The following MGAT5 variants were observed in gnomAD, a reference collection of about 807,000 sequenced individuals.
MGAT5 encodes alpha-1,6-mannosylglycoprotein 6-beta-N-acetylglucosaminyltransferase A.
MGAT5 carries 30 observed loss-of-function variants against 94.3 expected under a neutral mutation model. The observed-to-expected ratio is 0.32, with a 90% CI of 0.24 to 0.43. The LOEUF (loss-of-function observed/expected upper bound fraction) is 0.43, where lower values mean the gene tolerates loss of function less well. Among genes scored for constraint, MGAT5 ranks in the 20% least tolerant of loss-of-function variants. The pLI is 1.00. For missense variants in MGAT5, 691 were observed against 905.5 expected (o/e 0.76, Z 3.04); for synonymous variants, 310 against 322.9 (o/e 0.96, Z 0.43).
At chr2:134,263,305 T>C (rs1683458805) in intron 1 of MGAT5, among the ~76,000 whole-genome samples, 1 of 152,230 alleles carries the variant, frequency 6.6e-6, no homozygotes, top group African/African-American at 2.4e-5. Context: ...AAGCACTTAA[T>C]ATCATCAACA....
intron 1 of MGAT5, among the ~76,000 whole-genome samples, chr2:134,240,048 T>A (rs1257183): frequency 6.6e-6 from 1 of 151,920 alleles, no homozygotes; most frequent in Non-Finnish European, 1.5e-5. Context: ...ATTCTTGATA[T>A]GAAGATGAAA....
rs1370617462 is a variant in MGAT5, at chr2:134,240,364, T to TTGTTTTTTG, written c.-142-13897_-142-13896insGTTTTTTGT. Among the ~76,000 whole-genome samples the TTGTTTTTTG allele has an allele frequency of 1.0e-3, 159 of 152,028 alleles. 1 individual carries two copies. Among genetic ancestry groups the TTGTTTTTTG allele is most frequent in the African/African-American group, 3.6e-3 (149 of 41,406 alleles). On this transcript the variant is annotated intron_variant, in intron 1 of 16. Transcript: ENST00000409645. ...TCATTCTAAAATGAAAGTGTTTTTT[T>TTGTTTTTTG]TTTTTTTTACTATTTGTATGTTTGA...
chr2:134,168,739 A>C (rs1688065646), intron 1 of MGAT5, among the ~76,000 whole-genome samples: 1 of 152,200 alleles, frequency 6.6e-6, no homozygotes, highest in Non-Finnish European at 1.5e-5. Context: ...TCTAGGCATA[A>C]AGGAGTTTAA....
At chr2:134,120,186 C>T (rs951483089) in exon 1 of MGAT5, 1 of 224,552 alleles carries the variant, frequency 4.5e-6, no homozygotes, top group African/African-American at 2.3e-5. Flanking sequence ...CGATCCAGCC[C>T]AGGTAGCCGC....
intron 11 of MGAT5, among the ~76,000 whole-genome samples, chr2:134,411,020 A>C (rs1683621662): frequency 1.3e-5 from 2 of 152,188 alleles, no homozygotes; most frequent in Non-Finnish European, 2.9e-5. Context: ...AGAGATCACA[A>C]GTCTGGTAGA....
At chr2:134,205,577 C>A in intron 1 of MGAT5, among the ~76,000 whole-genome samples, 1 of 152,094 alleles carries the variant, frequency 6.6e-6, no homozygotes, top group Middle Eastern at 3.2e-3. Flanking sequence ...CTCTTTCGGG[C>A]CTGCTAAGCT....
intron 4 of MGAT5, among the ~76,000 whole-genome samples, chr2:134,327,006 GTTTT>G (rs1687683635): frequency 6.6e-6 from 1 of 152,138 alleles, no homozygotes; most frequent in Admixed American, 6.6e-5. Flanking sequence ...AGTTTTGTCT[GTTTT>G]GTTCTCACGT....
At chr2:134,370,023 C>G (rs766062251) in intron 10 of MGAT5, among the ~76,000 whole-genome samples, 5 of 152,170 alleles carry the variant, frequency 3.3e-5, no homozygotes, top group Non-Finnish European at 5.9e-5. Flanking sequence ...GTTAAAGTCT[C>G]AGACTAGGTG....
At chr2:134,146,653 A>G (rs1686934179) in intron 1 of MGAT5, among the ~76,000 whole-genome samples, 1 of 152,144 alleles carries the variant, frequency 6.6e-6, no homozygotes, top group Admixed American at 6.5e-5. Context: ...TGTTGTTTCT[A>G]ATGGATGTGA....
At chr2:134,260,137 A>G (rs1683227629) in intron 1 of MGAT5, among the ~76,000 whole-genome samples, 1 of 152,220 alleles carries the variant, frequency 6.6e-6, no homozygotes, top group African/African-American at 2.4e-5. Context: ...AAGCAGTGGC[A>G]TGGAAGGTGT....
chr2:134,199,628 T>C (rs1679674190), intron 1 of MGAT5, among the ~76,000 whole-genome samples: 1 of 152,174 alleles, frequency 6.6e-6, no homozygotes, highest in Non-Finnish European at 1.5e-5. Flanking sequence ...CTCCAACAGC[T>C]CTCTGTCAGT....
chr2:134,179,801 A>G (rs933625642), intron 1 of MGAT5, among the ~76,000 whole-genome samples: 5 of 152,212 alleles, frequency 3.3e-5, no homozygotes, highest in Non-Finnish European at 7.3e-5. Flanking sequence ...GCCGGGCTGC[A>G]TTTCCAGGAG....
chr2:134,334,104 T>C (rs1288305655), intron 4 of MGAT5, among the ~76,000 whole-genome samples: 1 of 152,150 alleles, frequency 6.6e-6, no homozygotes, highest in Middle Eastern at 3.2e-3. Context: ...GGATTGACTC[T>C]ATATTTTATA....
rs562413459 is a variant in MGAT5, at chr2:134,380,542, G to A, written c.1380+18134G>A. Among the ~76,000 whole-genome samples the A allele has an allele frequency of 5.9e-5, 9 of 152,354 alleles. No homozygotes were observed. In the East Asian group the frequency reaches 1.7e-3, roughly 29 times the overall value. On this transcript the variant is annotated intron_variant, in intron 10 of 15. Coordinates refer to ENST00000281923, the MANE Select transcript of MGAT5 (RefSeq NM_002410.5). ...CACCCAGCCTTGCAGTCTTGGGCAA[G>A]CCACTTGTCTCTGTGAGCTTCCGTT... is the stretch of plus-strand genomic sequence containing the variant.
At chr2:134,419,785 G>C (rs937991758) in intron 12 of MGAT5, among the ~76,000 whole-genome samples, 6 of 152,254 alleles carry the variant, frequency 3.9e-5, no homozygotes, top group Middle Eastern at 3.4e-3. Context: ...CCAAGTGCTT[G>C]GAGCAACCTT....
Position 134,270,560 on chromosome 2 carries a change from G to A in MGAT5, c.406+10G>A. 1 of 1,613,862 alleles carries A rather than the reference G, an allele frequency of 6.2e-7. No homozygotes were observed. Among genetic ancestry groups the A allele is most frequent in the Non-Finnish European group, 8.5e-7 (1 of 1,179,832 alleles). ...AAAATTAATGTGGCAGGTAAAAATA[G>A]CAATTCTCTGCCCTGATATGGAGTC... On this transcript the variant is annotated intron_variant, in intron 2 of 15. Transcript: ENST00000281923.
rs118105739 is a variant in MGAT5 at position 134,123,512 on chromosome 2, G to A, written c.-143+3221G>A. Among the ~76,000 whole-genome samples the A allele has an allele frequency of 3.7e-3, 557 of 152,302 alleles. 23 individuals are homozygous for A. In the East Asian group the frequency reaches 0.065, roughly 18 times the overall value. On this transcript the variant is annotated intron_variant, in intron 1 of 16. Coordinates refer to the MGAT5 transcript ENST00000409645. ...TGCTCTTTCTCAAGAGGCTTTAAGCGCAGTAGGGACTCACTGTCTTCCTTC... is the reference window on the plus strand; with the variant it reads ...TGCTCTTTCTCAAGAGGCTTTAAGCACAGTAGGGACTCACTGTCTTCCTTC...
intron 1 of MGAT5, among the ~76,000 whole-genome samples, chr2:134,181,151 C>T (rs1688714807): frequency 6.6e-6 from 1 of 152,164 alleles, no homozygotes. Flanking sequence ...TGACTCTCAA[C>T]CAGGGACAAT....
chr2:134,231,882 C>A (rs1373057226), intron 1 of MGAT5, among the ~76,000 whole-genome samples: 1 of 152,156 alleles, frequency 6.6e-6, no homozygotes, highest in Non-Finnish European at 1.5e-5. Context: ...TACTTTACAC[C>A]CAGTGAGTTG....
Sources: allele counts gnomAD v4.1 joint callset (sites outside exome capture counted in the v4.1 genomes callset), GRCh38; gene constraint gnomAD v4.1.1; transcripts MANE v1.5; gene names NCBI Gene and HGNC (gene_info 2026-07-23, HGNC 2026-07-21).